The following ZMIZ1 variants were observed in gnomAD, a reference collection of about 807,000 sequenced individuals.
The protein encoded by ZMIZ1 is zinc finger MIZ domain-containing protein 1.
Under a neutral mutation model 113.9 loss-of-function variants are expected in ZMIZ1, and 17 were observed. That is an observed-to-expected ratio of 0.15 (90% CI 0.10 to 0.22). The LOEUF (loss-of-function observed/expected upper bound fraction) is 0.22, where lower values mean the gene tolerates loss of function less well. Ranked by LOEUF, ZMIZ1 falls within the 10% of genes least tolerant of loss-of-function variation. ZMIZ1 has a pLI of 1.00. For missense variants in ZMIZ1, 1,059 were observed against 1,477.8 expected (o/e 0.72, Z 4.65); for synonymous variants, 607 against 603.1 (o/e 1.01, Z -0.09).
chr10:79,301,899 T>C (rs1854325516), intron 17 of ZMIZ1, among the ~76,000 whole-genome samples: 1 of 152,060 alleles, frequency 6.6e-6, no homozygotes, highest in Admixed American at 6.5e-5. Flanking sequence ...CCAGGGAGTA[T>C]TTCAGTGTCA....
chr10:79,189,342 G>A (rs948667944), intron 4 of ZMIZ1, among the ~76,000 whole-genome samples: 1 of 152,138 alleles, frequency 6.6e-6, no homozygotes, highest in Non-Finnish European at 1.5e-5. Flanking sequence ...TGTCACGCAG[G>A]CACCCAAGTC....
intron 1 of ZMIZ1, among the ~76,000 whole-genome samples, chr10:79,098,293 T>C (rs1457513309): frequency 1.3e-5 from 2 of 152,052 alleles, no homozygotes; most frequent in African/African-American, 2.4e-5. Flanking sequence ...CCCAGCGGCA[T>C]TGGAGAGAAG....
chr10:79,208,545 G>C, intron 6 of ZMIZ1, 96 bp downstream of exon 6: 1 of 1,034,576 alleles, frequency 9.7e-7, no homozygotes, highest in Non-Finnish European at 1.4e-6. Flanking sequence ...TCAGACATTG[G>C]GAGGTGACAC....
At chr10:79,072,310 A>C (rs1337982) in intron 1 of ZMIZ1, among the ~76,000 whole-genome samples, 38,414 of 152,112 alleles carry the variant, frequency 0.25, 6,616 homozygotes, top group African/African-American at 0.49. Context: ...AATAACAACG[A>C]TGTCTCCATC....
chr10:79,292,641 A>G, intron 11 of ZMIZ1: 1 of 514,138 alleles, frequency 1.9e-6, no homozygotes, highest in Non-Finnish European at 3.6e-6. Context: ...TATGGGGAAA[A>G]GGTTCTACAT....
At chr10:79,125,479 T>A (rs1317867593) in intron 2 of ZMIZ1, among the ~76,000 whole-genome samples, 1 of 152,206 alleles carries the variant, frequency 6.6e-6, no homozygotes. Flanking sequence ...AGTGTAAGGT[T>A]GTAAAGAGTT....
chr10:79,253,101 G>A (rs777503184), intron 7 of ZMIZ1, among the ~76,000 whole-genome samples: 1 of 152,214 alleles, frequency 6.6e-6, no homozygotes, highest in Non-Finnish European at 1.5e-5. Context: ...GTGGGTGTGC[G>A]GGGCCGGACA....
intron 5 of ZMIZ1, among the ~76,000 whole-genome samples, chr10:79,207,605 C>T (rs1359849808): frequency 1.3e-5 from 2 of 152,224 alleles, no homozygotes; most frequent in African/African-American, 2.4e-5. Context: ...GACTCAGACT[C>T]TGCCTGGCAG....
intron 1 of ZMIZ1, among the ~76,000 whole-genome samples, chr10:79,082,646 T>C (rs1842693816): frequency 6.6e-6 from 1 of 152,224 alleles, no homozygotes; most frequent in Non-Finnish European, 1.5e-5. Context: ...ACTGGCTTGG[T>C]CTCCCCCTAC....
intron 4 of ZMIZ1, among the ~76,000 whole-genome samples, chr10:79,183,755 A>T (rs1847232241): frequency 1.3e-5 from 2 of 152,174 alleles, no homozygotes; most frequent in Non-Finnish European, 2.9e-5. Context: ...AGAATAAAAC[A>T]AATCAATATT....
intron 1 of ZMIZ1, among the ~76,000 whole-genome samples, chr10:79,072,804 G>A (rs1362636027): frequency 6.6e-6 from 1 of 152,200 alleles, no homozygotes; most frequent in African/African-American, 2.4e-5. Context: ...GACAACAAAG[G>A]CCAGGCTGCC....
At chr10:79,187,921 G>A (rs959942361) in intron 4 of ZMIZ1, among the ~76,000 whole-genome samples, 12 of 152,282 alleles carry the variant, frequency 7.9e-5, no homozygotes, top group Admixed American at 7.2e-4. Flanking sequence ...TATAGTTACT[G>A]GGCTTTGAAG....
chr10:79,124,764 T>C (rs1227090529), intron 2 of ZMIZ1, among the ~76,000 whole-genome samples: 1 of 152,112 alleles, frequency 6.6e-6, no homozygotes, highest in Non-Finnish European at 1.5e-5. Flanking sequence ...AGGGTCTTCC[T>C]GGGGTCTCTG....
At chr10:79,177,033 A>AC (rs1196669089) in intron 4 of ZMIZ1, among the ~76,000 whole-genome samples, 5 of 151,788 alleles carry the variant, frequency 3.3e-5, no homozygotes, top group Non-Finnish European at 1.5e-5. Flanking sequence ...GGGTCCTGGG[A>AC]CCCCACCCGG....
intron 6 of ZMIZ1, among the ~76,000 whole-genome samples, chr10:79,211,712 C>A (rs1344470228): frequency 1.3e-5 from 2 of 152,148 alleles, no homozygotes; most frequent in Admixed American, 6.5e-5. Context: ...AGCACAGGAC[C>A]CCCAGGCCCT....
At chr10:79,197,241 A>G (rs1261273906) in intron 4 of ZMIZ1, among the ~76,000 whole-genome samples, 10 of 151,818 alleles carry the variant, frequency 6.6e-5, no homozygotes, top group Non-Finnish European at 1.5e-4. Context: ...CTCTATTGGA[A>G]CCCTGGCTAC....
chr10:79,291,819 G>A (rs1182987634), intron 10 of ZMIZ1, among the ~76,000 whole-genome samples: 3 of 152,208 alleles, frequency 2.0e-5, no homozygotes, highest in Admixed American at 1.3e-4. Context: ...TAAACACAGG[G>A]ATCAGAAACA....
chr10:79,272,652 G>A (rs1043643199), intron 7 of ZMIZ1, among the ~76,000 whole-genome samples: 2 of 152,276 alleles, frequency 1.3e-5, no homozygotes, highest in East Asian at 3.8e-4. Flanking sequence ...GTTGTTGAAT[G>A]AACGTTGGGT....
At chr10:79,264,376 G>T (rs778178949) in intron 7 of ZMIZ1, among the ~76,000 whole-genome samples, 6 of 152,206 alleles carry the variant, frequency 3.9e-5, no homozygotes, top group Non-Finnish European at 7.3e-5. Flanking sequence ...TCAATCTATT[G>T]CTGGGGGAGG....
Sources: allele counts gnomAD v4.1 joint callset (sites outside exome capture counted in the v4.1 genomes callset), GRCh38; gene constraint gnomAD v4.1.1; transcripts MANE v1.5; gene names NCBI Gene and HGNC (gene_info 2026-07-23, HGNC 2026-07-21).